Variants in CDH13 observed in about 807,000 individuals in gnomAD.
CDH13 encodes the protein cadherin-13.
CDH13 carries 24 observed loss-of-function variants against 63.8 expected under a neutral mutation model. That is an observed-to-expected ratio of 0.38 (90% CI 0.27 to 0.53). The LOEUF is 0.53. CDH13 is among the 20% of genes least tolerant of loss of function. The probability of loss-of-function intolerance (pLI) is 0.85; values close to 1 mark genes in which losing one functional copy is unlikely to be tolerated. For synonymous variants in CDH13, 503 were observed against 355.3 expected (o/e 1.42, Z -4.67); for missense variants, 1,049 against 903.1 (o/e 1.16, Z -2.07).
At position 83,174,409 on chromosome 16, in the gene CDH13, G is replaced by A. The variant is rs2038042264; in HGVS notation, c.484-42936G>A. ...ATATATTCAAGTTATCTTGACCAAT[G>A]TTTCAGAATTACTTAGAGCTTTATG... On this transcript the variant is annotated intron_variant, in intron 4 of 13. Transcript: ENST00000567109. Among the ~76,000 whole-genome samples, 3 of 151,904 alleles carry A rather than the reference G, an allele frequency of 2.0e-5. No individual in the cohort carries two copies. The South Asian group carries it at 6.2e-4, about 32-fold the overall frequency.
intron 5 of CDH13, among the ~76,000 whole-genome samples, chr16:83,334,283 TTCTCTCTCTC>T (rs1418102597): frequency 6.9e-6 from 1 of 145,772 alleles, no homozygotes. Context: ...TCTTCCTCCT[TTCTCTCTCTC>T]TCCCTCTCTC....
chr16:82,971,275 T>C (rs1908703866), intron 2 of CDH13, among the ~76,000 whole-genome samples: 1 of 152,246 alleles, frequency 6.6e-6, no homozygotes, highest in Non-Finnish European at 1.5e-5. Flanking sequence ...TTTTGTTGGC[T>C]GCTTTCCCTG....
chr16:83,778,882 G>C (rs976507711), intron 11 of CDH13, among the ~76,000 whole-genome samples: 6 of 152,200 alleles, frequency 3.9e-5, no homozygotes, highest in African/African-American at 1.4e-4. Context: ...AGTTAGAGTA[G>C]AGCTACAGCA....
intron 7 of CDH13, among the ~76,000 whole-genome samples, chr16:83,504,328 C>T (rs957923517): frequency 1.1e-4 from 17 of 152,152 alleles, no homozygotes; most frequent in Non-Finnish European, 1.9e-4. Flanking sequence ...TCCAACCTCA[C>T]CCTTACTTCT....
intron 6 of CDH13, among the ~76,000 whole-genome samples, chr16:83,372,520 G>A (rs7193289): frequency 0.016 from 2,441 of 152,150 alleles, 73 homozygotes; most frequent in African/African-American, 0.056. Flanking sequence ...TTGGGAAGCT[G>A]AGGCAGGTGG....
intron 10 of CDH13, among the ~76,000 whole-genome samples, chr16:83,698,184 C>T (rs540620303): frequency 1.2e-4 from 18 of 152,222 alleles, no homozygotes; most frequent in Non-Finnish European, 2.5e-4. Context: ...CTGTACTGTA[C>T]AGGACTGTAG....
chr16:83,457,982 G>C (rs7202565), intron 6 of CDH13, among the ~76,000 whole-genome samples: 80,216 of 152,030 alleles, frequency 0.53, 21,594 homozygotes, highest in East Asian at 0.77. Flanking sequence ...AGAAACAAAA[G>C]AGGGTCCCGG....
At chr16:83,725,915 A>G (rs547841009) in intron 10 of CDH13, 2 of 152,344 alleles carry the variant, frequency 1.3e-5, no homozygotes, top group African/African-American at 4.8e-5. Context: ...CTGCATTTGC[A>G]TTGGCTCTGA....
At position 83,493,609 on chromosome 16, in the gene CDH13, T is replaced by C. The variant is rs942522470; in HGVS notation, c.960+6954T>C. Among the ~76,000 whole-genome samples, 11 of 152,208 alleles carry C rather than the reference T, an allele frequency of 7.2e-5. 1 individual carries two copies. Among genetic ancestry groups the C allele is most frequent in the African/African-American group, 2.4e-4 (10 of 41,460 alleles). ...TGGACAAAGGCATGGCATATTCACA[T>C]GCTACTTAAAGACTCCAGAGATGAG... is the stretch of plus-strand genomic sequence containing the variant. On this transcript the variant is annotated intron_variant, in intron 7 of 13. Coordinates refer to ENST00000567109, the MANE Select transcript of CDH13 (RefSeq NM_001257.5).
intron 4 of CDH13, among the ~76,000 whole-genome samples, chr16:83,160,049 C>A (rs1020766061): frequency 3.3e-5 from 5 of 151,924 alleles, no homozygotes; most frequent in African/African-American, 1.2e-4. Context: ...GCATTCCAGC[C>A]CGGGTGACAG....
chr16:83,472,809 C>A (rs920457813), intron 6 of CDH13, among the ~76,000 whole-genome samples: 2 of 152,186 alleles, frequency 1.3e-5, no homozygotes, highest in African/African-American at 4.8e-5. Context: ...ATTTATTGAG[C>A]ACCTACTGTG....
intron 4 of CDH13, among the ~76,000 whole-genome samples, chr16:83,197,091 A>T (rs2038898740): frequency 6.6e-6 from 1 of 152,226 alleles, no homozygotes; most frequent in Non-Finnish European, 1.5e-5. Flanking sequence ...TCATATCATG[A>T]AATATGGCTC....
intron 1 of CDH13, among the ~76,000 whole-genome samples, chr16:82,675,609 A>G (rs971723212): frequency 6.6e-6 from 1 of 152,196 alleles, no homozygotes; most frequent in African/African-American, 2.4e-5. Context: ...GTACTTCAGA[A>G]AATGTATGCA....
chr16:83,015,584 C>G (rs949724998), intron 2 of CDH13, among the ~76,000 whole-genome samples: 1 of 147,674 alleles, frequency 6.8e-6, no homozygotes, highest in Non-Finnish European at 1.5e-5. Context: ...AGATTACATC[C>G]ATTTAAACAT....
chr16:82,729,654 C>G (rs1315525070), intron 1 of CDH13, among the ~76,000 whole-genome samples: 1 of 152,138 alleles, frequency 6.6e-6, no homozygotes, highest in Non-Finnish European at 1.5e-5. Flanking sequence ...GGTCAATGAG[C>G]ATTGGCTTCA....
chr16:82,750,881 G>A (rs554800879), intron 1 of CDH13, among the ~76,000 whole-genome samples: 89 of 152,182 alleles, frequency 5.8e-4, no homozygotes, highest in Non-Finnish European at 1.0e-3. Context: ...CACTCTTAAT[G>A]CTAGGACTGG....
At chr16:83,394,748 G>A (rs1290625047) in intron 6 of CDH13, among the ~76,000 whole-genome samples, 1 of 152,218 alleles carries the variant, frequency 6.6e-6, no homozygotes, top group African/African-American at 2.4e-5. Context: ...GGTGGATTGA[G>A]CCAGACTGGT....
At chr16:82,789,765 A>G (rs1169271014) in intron 1 of CDH13, among the ~76,000 whole-genome samples, 1 of 152,208 alleles carries the variant, frequency 6.6e-6, no homozygotes, top group East Asian at 1.9e-4. Flanking sequence ...TCTTGCTCCA[A>G]GAGTTCCTAG....
chr16:83,316,980 G>A (rs546866461), intron 5 of CDH13, among the ~76,000 whole-genome samples: 1 of 152,318 alleles, frequency 6.6e-6, no homozygotes, highest in South Asian at 2.1e-4. Flanking sequence ...TGAGAACATA[G>A]CAGAGGGGTT....
Sources: allele counts gnomAD v4.1 joint callset (sites outside exome capture counted in the v4.1 genomes callset), GRCh38; gene constraint gnomAD v4.1.1; transcripts MANE v1.5; gene names NCBI Gene and HGNC (gene_info 2026-07-23, HGNC 2026-07-21).